The following WDR49 variants were observed in gnomAD, a reference collection of about 807,000 sequenced individuals.
WDR49 encodes WD repeat domain 49.
WDR49 carries 107 observed loss-of-function variants against 119.5 expected under a neutral mutation model. That is an observed-to-expected ratio of 0.90 (90% CI 0.77 to 1.05). WDR49 has a LOEUF of 1.05. WDR49 is among the 50% of genes least tolerant of loss of function. The pLI is 0.00. For synonymous variants in WDR49, 425 were observed against 418.8 expected, an observed-to-expected ratio of 1.01 and a Z score of -0.18; for missense variants, 1,240 against 1,220.5, an observed-to-expected ratio of 1.02 and a Z score of -0.24.
intron 12 of WDR49, among the ~76,000 whole-genome samples, chr3:167,531,597 A>C (rs1409747175): frequency 1.2e-4 from 19 of 152,180 alleles, no homozygotes; most frequent in Non-Finnish European, 4.4e-5. Flanking sequence ...ACGTAATTCC[A>C]ATACTGTGGC....
chr3:167,582,971 C>G (rs368950577), intron 7 of WDR49, among the ~76,000 whole-genome samples: 1 of 140,170 alleles, frequency 7.1e-6, no homozygotes, highest in East Asian at 2.6e-4. Flanking sequence ...CACACACATA[C>G]ACACACACAC....
At chr3:167,593,400 A>G (rs1220009505) in intron 7 of WDR49, among the ~76,000 whole-genome samples, 1 of 151,690 alleles carries the variant, frequency 6.6e-6, no homozygotes, top group African/African-American at 2.4e-5. Context: ...ACACTGACAC[A>G]TTCTTCAGTT....
chr3:167,560,587 C>T (rs1012292362), intron 8 of WDR49, among the ~76,000 whole-genome samples: 5 of 152,162 alleles, frequency 3.3e-5, no homozygotes, highest in Admixed American at 3.3e-4. Flanking sequence ...ACACTATTTA[C>T]TATATGAAAA....
intron 7 of WDR49, among the ~76,000 whole-genome samples, chr3:167,600,611 A>T (rs1187771900): frequency 3.3e-5 from 5 of 152,284 alleles, no homozygotes; most frequent in Non-Finnish European, 7.3e-5. Context: ...TTCAATACTG[A>T]TGCATCTTAA....
At chr3:167,610,140 T>C (rs1350199020) in intron 5 of WDR49, among the ~76,000 whole-genome samples, 2 of 152,344 alleles carry the variant, frequency 1.3e-5, no homozygotes, top group African/African-American at 4.8e-5. Flanking sequence ...AAACTCCTCC[T>C]GCTTGAGAAA....
chr3:167,576,514 T>G (rs757751017), intron 7 of WDR49, among the ~76,000 whole-genome samples: 3 of 152,186 alleles, frequency 2.0e-5, no homozygotes, highest in Admixed American at 2.0e-4. Context: ...TCTGCAGATA[T>G]GACTAAATTA....
At chr3:167,509,928 C>T (rs2108218511) in intron 16 of WDR49, among the ~76,000 whole-genome samples, 1 of 139,694 alleles carries the variant, frequency 7.2e-6, no homozygotes, top group East Asian at 2.0e-4. Context: ...TAAACTGTGT[C>T]TACTAAGTCA....
At chr3:167,576,225 C>T in intron 7 of WDR49, 74 bp from the exon 8 acceptor site, 1 of 1,310,442 alleles carries the variant, frequency 7.6e-7, no homozygotes, top group Non-Finnish European at 1.1e-6. Context: ...TTTTTTCTAG[C>T]TCACCCTCAA....
chr3:167,558,876 G>A lies in WDR49; in HGVS notation c.1674+1188C>T, dbSNP rs373949255. ...CCCAGGACTGGTAAGCGAGATACTG[G>A]CTTTTACTATTTGCCTGAACCACTG... On this transcript the variant is annotated intron_variant, in intron 9 of 18. Transcript: ENST00000682715. 2.0e-5 allele frequency among the ~76,000 whole-genome samples: 3 copies of A among 152,136 alleles called. No homozygotes were observed. The East Asian group carries it at 5.8e-4, about 29-fold the overall frequency.
intron 10 of WDR49, among the ~76,000 whole-genome samples, chr3:167,551,075 A>G (rs917491852): frequency 2.0e-5 from 3 of 151,958 alleles, no homozygotes; most frequent in Non-Finnish European, 2.9e-5. Flanking sequence ...TAAATTTGGG[A>G]CTTCTTTTTA....
intron 5 of WDR49, among the ~76,000 whole-genome samples, chr3:167,619,128 C>T (rs1045561597): frequency 6.6e-6 from 1 of 152,066 alleles, no homozygotes; most frequent in Non-Finnish European, 1.5e-5. Context: ...AGGTTATGGA[C>T]TCAAATAATA....
chr3:167,580,080 G>T (rs751540832), intron 7 of WDR49, among the ~76,000 whole-genome samples: 1 of 152,068 alleles, frequency 6.6e-6, no homozygotes, highest in Non-Finnish European at 1.5e-5. Flanking sequence ...ATTAAAAACA[G>T]GTGAGCCATA....
chr3:167,529,165 C>A lies in WDR49; in HGVS notation c.2293G>T (p.Ala765Ser). 1 of 1,611,990 alleles carries A rather than the reference C, an allele frequency of 6.2e-7. No individual in the cohort carries two copies. The highest frequency in any genetic ancestry group is 8.5e-7 in the Non-Finnish European group (1 of 1,179,176). ...ACTCCACTATGAGCCAAAAATTCAG[C>A]CAGAAGTTGCTTCTTATATATATCC... ...FWDIYKKQLL[A>S]EFLAHSGVGS... Residue 765 changes from alanine (A) to serine (S), a missense_variant, in exon 14 of 19, where the codon GCT becomes TCT. Ala to Ser is a moderately conservative substitution (Grantham distance 99). Transcript: ENST00000682715.
intron 8 of WDR49, among the ~76,000 whole-genome samples, chr3:167,560,897 G>A (rs1461340872): frequency 6.6e-6 from 1 of 152,008 alleles, no homozygotes; most frequent in Non-Finnish European, 1.5e-5. Context: ...GTTCAAAAAT[G>A]AGAAATTTTA....
At chr3:167,570,070 TCAGAAC>T (rs1315039237) in intron 8 of WDR49, among the ~76,000 whole-genome samples, 2 of 151,182 alleles carry the variant, frequency 1.3e-5, no homozygotes, top group Non-Finnish European at 2.9e-5. Context: ...GCACACAGCC[TCAGAAC>T]TGACATATAA....
At chr3:167,655,983 T>C (rs1417631992), upstream of WDR49, among the ~76,000 whole-genome samples, 1 of 152,116 alleles carries the variant, frequency 6.6e-6, no homozygotes, top group African/African-American at 2.4e-5. Flanking sequence ...GTGCCTGCCA[T>C]AAGGGCTTTA....
chr3:167,593,359 C>T (rs762512107), intron 7 of WDR49, among the ~76,000 whole-genome samples: 3 of 151,692 alleles, frequency 2.0e-5, no homozygotes, highest in Non-Finnish European at 4.4e-5. Flanking sequence ...TCACTAATTC[C>T]TTCTTCTGCT....
At chr3:167,634,681 T>A (rs575220939) in intron 2 of WDR49, among the ~76,000 whole-genome samples, 1 of 151,002 alleles carries the variant, frequency 6.6e-6, no homozygotes, top group Non-Finnish European at 1.5e-5. Flanking sequence ...TGCAAAACTT[T>A]AAAAAAAAAC....
At chr3:167,582,856 G>C (rs1344082991) in intron 7 of WDR49, among the ~76,000 whole-genome samples, 1 of 152,000 alleles carries the variant, frequency 6.6e-6, no homozygotes, top group African/African-American at 2.4e-5. Context: ...GCTGAGGCAG[G>C]AGAATTGCTT....
Sources: allele counts gnomAD v4.1 joint callset (sites outside exome capture counted in the v4.1 genomes callset), GRCh38; gene constraint gnomAD v4.1.1; transcripts MANE v1.5; gene names NCBI Gene and HGNC (gene_info 2026-07-23, HGNC 2026-07-21).